The following HELZ2 variants were observed in gnomAD, a reference collection of about 807,000 sequenced individuals.
HELZ2 encodes the protein 3'-5' exoribonuclease HELZ2.
A neutral mutation model predicts 208.8 loss-of-function variants in HELZ2; 143 were observed. The ratio of observed to expected loss-of-function variants is 0.68; its 90% CI spans 0.60 to 0.79. HELZ2 has a LOEUF of 0.79. HELZ2 is among the 30% of genes least tolerant of loss of function. HELZ2 has a pLI of 0.00. For missense variants in HELZ2, 3,690 were observed against 3,794.5 expected, an observed-to-expected ratio of 0.97 and a Z score of 0.72; for synonymous variants, 1,705 against 1,693.7, an observed-to-expected ratio of 1.01 and a Z score of -0.16.
exon 8 of HELZ2, chr20:63,565,281 T>G: frequency 6.2e-7 from 1 of 1,605,752 alleles, no homozygotes. Context: ...TCGGGCGCCT[T>G]GTCTCCCGAA....
rs377115286 is a variant in HELZ2 at position 63,572,434 on chromosome 20, C to T, written c.-49G>A. ...GGCAGCGGGACTCCCCACGCCAGCA[C>T]GGCTGCCCACGCCCCACAAACCTGC... On this transcript the variant is annotated 5_prime_UTR_variant, in exon 1 of 19. In the 5' UTR this introduces an upstream ATG that the reference lacks. Coordinates refer to ENST00000467148, the Ensembl canonical transcript of HELZ2. 8.9e-5 allele frequency: 128 copies of T among 1,446,298 alleles called. 2 individuals carry two copies. The East Asian group carries it at 1.3e-3, about 15-fold the overall frequency. The allele number at this position is 1,446,298 out of a possible 1,614,324, so 89.6% of individuals were successfully genotyped here. A position where few individuals can be genotyped will look rare whatever the true frequency, so the allele number is the denominator to read the frequency against.
chr20:63,562,153 G>A (rs757488890), exon 10 of HELZ2: 34 of 1,611,992 alleles, frequency 2.1e-5, no homozygotes, highest in Middle Eastern at 1.7e-4. Flanking sequence ...AGCTTGTGGC[G>A]GCCTCCGGGG....
At chr20:63,561,253 C>T (rs1286190816) in exon 14 of HELZ2, 2 of 1,612,684 alleles carry the variant, frequency 1.2e-6, no homozygotes, top group African/African-American at 1.3e-5. Context: ...ACTTCCGAGC[C>T]TCCCACAAGA....
At chr20:63,572,512 T>G, upstream of HELZ2, 1 of 1,057,008 alleles carries the variant, frequency 9.5e-7, no homozygotes, top group Non-Finnish European at 1.3e-6. Context: ...CCACAAACTG[T>G]TGCTTGCGGC....
rs1279966091 is a variant in HELZ2, at chr20:63,566,555, G to A, written c.2515-102C>T. On this transcript the variant is annotated intron_variant, in intron 6 of 18. Coordinates refer to ENST00000467148, the Ensembl canonical transcript of HELZ2. The stretch of plus-strand genomic sequence containing the variant: ...CCCACCAAGCTCGGGGATGAGCGCA[G>A]GACGCAGTGAGGACTGGGCCACCCC... 7 of 746,344 alleles carry A rather than the reference G, an allele frequency of 9.4e-6. No individual in the cohort carries two copies. The African/African-American group carries it at 1.1e-4, about 12-fold the overall frequency. The allele number at this position is 746,344 out of a possible 1,614,324, so 46.2% of individuals were successfully genotyped here.
chr20:63,563,946 C>G, exon 8 of HELZ2: 1 of 1,594,716 alleles, frequency 6.3e-7, no homozygotes, highest in Non-Finnish European at 8.6e-7. Context: ...GGGTGCATGT[C>G]GTCCGTGGTG....
chr20:63,567,786 C>T (rs1219375455), intron 5 of HELZ2, 159 bp from the exon 7 acceptor site: 2 of 1,443,746 alleles, frequency 1.4e-6, no homozygotes, highest in African/African-American at 2.8e-5. Context: ...GTCAGGAGTC[C>T]AAGGGGCAAG....
At position 63,570,515 on chromosome 20, in the gene HELZ2, C is replaced by CAACAGAGT; in HGVS notation, c.558_559insACTCTGTT (p.Val187ThrfsTer16). On this transcript the variant is annotated frameshift_variant, in exon 3 of 19. Coordinates refer to ENST00000467148, the Ensembl canonical transcript of HELZ2. LOFTEE classifies it high-confidence loss of function. ...TGTTCTCCGCTCACCTCAGAGTGGA[C>CAACAGAGT]GGCAAACGTCCAGCTGTACTGGGTC... is the stretch of plus-strand genomic sequence containing the variant. The CAACAGAGT allele has an allele frequency of 6.2e-7, 1 of 1,613,096 alleles. No homozygotes were observed. Among genetic ancestry groups the CAACAGAGT allele is most frequent in the Non-Finnish European group, 8.5e-7 (1 of 1,179,828 alleles).
rs753227801 is a variant in HELZ2, at chr20:63,565,748, G to A, written c.3074C>T (p.Pro1025Leu). ...GTCTTCCTTCACTGCGTCTCCTGCT[G>A]GTGCTGCCGCAGCCTCCGTCTGCGC... is the stretch of plus-strand genomic sequence containing the variant. Residue 1025 changes from proline (P) to leucine (L), a missense_variant, in exon 8 of 19, where the codon CCA (proline) becomes CTA (leucine). Pro to Leu is a moderately conservative substitution (Grantham distance 98). Transcript: ENST00000467148. 6.2e-7 allele frequency: 1 copy of A among 1,602,750 alleles called. No homozygotes were observed. The highest frequency in any genetic ancestry group is 1.1e-5 in the South Asian group (1 of 91,078).
exon 8 of HELZ2, chr20:63,566,016 C>T (rs200299887): frequency 1.9e-6 from 3 of 1,595,464 alleles, no homozygotes; most frequent in East Asian, 2.2e-5. Flanking sequence ...TGCCGCTCCA[C>T]GCACTCACGG....
Position 63,562,067 on chromosome 20 carries a change from C to T in HELZ2, c.6529+5G>A, listed in dbSNP as rs758313943. 1 of 1,601,488 alleles carries T rather than the reference C, an allele frequency of 6.2e-7. No homozygotes were observed. Among genetic ancestry groups the T allele is most frequent in the Admixed American group, 1.7e-5 (1 of 59,336 alleles). ...AGCCTGCGGCTCCCCCGGCATGGGC[C>T]CTACCTGGTGGGCCCTGAATGACCG... On this transcript the variant is annotated splice_donor_5th_base_variant and intron_variant, in intron 10 of 18. Coordinates refer to ENST00000467148, the Ensembl canonical transcript of HELZ2.
chr20:63,571,038 A>G (rs2083011361), intron 1 of HELZ2, 170 bp from the exon 3 acceptor site: 8 of 576,676 alleles, frequency 1.4e-5, no homozygotes, highest in East Asian at 2.8e-5. Context: ...GTTCCCAAAC[A>G]TGAACCTCCC....
exon 9 of HELZ2, chr20:63,562,289 T>A: frequency 6.3e-7 from 1 of 1,598,044 alleles, no homozygotes. Flanking sequence ...CAGACCTACC[T>A]CTGCAGAGGG....
intron 1 of HELZ2, 59 bp downstream of exon 2, chr20:63,572,049 T>C: frequency 6.6e-7 from 1 of 1,517,490 alleles, no homozygotes; most frequent in African/African-American, 1.4e-5. Flanking sequence ...TGGGAACCTC[T>C]GGTTCTGCCT....
exon 4 of HELZ2, chr20:63,569,304 TGCTCGGCCGTCC>T: frequency 6.3e-7 from 1 of 1,577,400 alleles, no homozygotes; most frequent in Non-Finnish European, 8.6e-7. Flanking sequence ...CAGGGCCGTC[TGCTCGGCCGTCC>T]GCTCCACGCC....
intron 18 of HELZ2, among the ~76,000 whole-genome samples, chr20:63,559,724 AGG>A (rs2082862203): frequency 1.2e-5 from 1 of 83,552 alleles, no homozygotes; most frequent in Non-Finnish European, 2.5e-5. Flanking sequence ...GGAGTCAGTC[AGG>A]GTCAGGTGGG....
rs745996228 is a variant in HELZ2 at position 63,564,741 on chromosome 20, C to T, written c.4081G>A (p.Asp1361Asn). 6 of 1,611,546 alleles carry T rather than the reference C, an allele frequency of 3.7e-6. No homozygotes were observed. In the African/African-American group the frequency reaches 8.0e-5, roughly 22 times the overall value. ...GCCACCTCGCACCTGGGACCCAGGT[C>T]TCGGACACTGAGGGCATCATCGAGG... Residue 1361 changes from aspartate to asparagine, a missense_variant, in exon 8 of 19, where the codon GAC becomes AAC. Around this residue, in one of 3 missense-constraint regions of HELZ2, gnomAD observed 2,564 missense variants for 2,580.5 expected, o/e 0.99. Coordinates refer to ENST00000467148, the Ensembl canonical transcript of HELZ2.
rs1371723489 is a variant in HELZ2 at position 63,567,473 on chromosome 20, C to T, written c.1885G>A (p.Ala629Thr). The change falls in exon 6 of 19, where the codon GCT becomes ACT. Residue 629 changes from alanine to threonine, a missense_variant. Ala to Thr is a moderately conservative substitution (Grantham distance 58). This residue lies in a region of HELZ2 where 1,119 missense variants were observed against 1,193.4 expected (regional missense o/e 0.94). Transcript: ENST00000467148. ...TCTGCCCGTGTGGGCGGGCGGAAAG[C>T]CTGGCGGTCGTCGGTCAGGCAACAG... is the stretch of plus-strand genomic sequence containing the variant. The T allele has an allele frequency of 2.6e-6, 4 of 1,556,556 alleles. No individual in the cohort carries two copies. In the Admixed American group the frequency reaches 7.8e-5, roughly 30 times the overall value.
rs1195465185 is a variant in HELZ2, at chr20:63,567,826, G to A, written c.1731-199C>T. On this transcript the variant is annotated intron_variant, in intron 5 of 18. Coordinates refer to ENST00000467148, the Ensembl canonical transcript of HELZ2. ...CACGGAGGGCTTCAGGCAACACCTG[G>A]GCGAGCCCAGCGGCTCCTCTGACAC... 6 of 1,273,338 alleles carry A rather than the reference G, an allele frequency of 4.7e-6. No homozygotes were observed. The East Asian group carries it at 1.0e-4, about 22-fold the overall frequency. The allele number at this position is 1,273,338 out of a possible 1,614,324, so 78.9% of individuals were successfully genotyped here. A position where few individuals can be genotyped will look rare whatever the true frequency, so the allele number is the denominator to read the frequency against.
Sources: allele counts gnomAD v4.1 joint callset (sites outside exome capture counted in the v4.1 genomes callset), GRCh38; gene constraint gnomAD v4.1.1; regional missense constraint gnomAD v4.1.1; transcripts MANE v1.5; gene names NCBI Gene and HGNC (gene_info 2026-07-23, HGNC 2026-07-21).